The following PCDHGA9 variants were observed in gnomAD, a reference collection of about 807,000 sequenced individuals.
The protein encoded by PCDHGA9 is protocadherin gamma-A9.
Under a neutral mutation model 62.5 loss-of-function variants are expected in PCDHGA9, and 37 were observed. The ratio of observed to expected loss-of-function variants is 0.59; its 90% CI spans 0.46 to 0.78. PCDHGA9 has a LOEUF of 0.78. Ranked by LOEUF, PCDHGA9 falls within the 30% of genes least tolerant of loss-of-function variation. The pLI is 0.00. For missense variants in PCDHGA9, 1,138 were observed against 1,166.2 expected, an observed-to-expected ratio of 0.98 and a Z score of 0.35; for synonymous variants, 459 against 484.6, an observed-to-expected ratio of 0.95 and a Z score of 0.69.
chr5:141,451,299 A>T (rs1016384424), intron 1 of PCDHGA9, among the ~76,000 whole-genome samples: 17 of 152,228 alleles, frequency 1.1e-4, no homozygotes, highest in African/African-American at 3.4e-4. Flanking sequence ...AAAGTCTTAC[A>T]AGGCAGCAAT....
chr5:141,425,763 G>A (rs959881638), intron 1 of PCDHGA9, among the ~76,000 whole-genome samples: 3 of 152,164 alleles, frequency 2.0e-5, no homozygotes, highest in Non-Finnish European at 4.4e-5. Context: ...TCTACAACAG[G>A]AGAGAAGACT....
intron 1 of PCDHGA9, among the ~76,000 whole-genome samples, chr5:141,445,318 G>T (rs182520609): frequency 2.0e-4 from 30 of 152,306 alleles, no homozygotes; most frequent in African/African-American, 7.2e-4. Context: ...TAGGTTGAGA[G>T]AACCCATCCA....
chr5:141,503,164 C>G (rs1262310388), intron 2 of PCDHGA9, among the ~76,000 whole-genome samples: 2 of 152,068 alleles, frequency 1.3e-5, no homozygotes, highest in East Asian at 3.9e-4. Flanking sequence ...ATCACAATTG[C>G]AATTACTCTA....
chr5:141,423,832 T>G, intron 1 of PCDHGA9: 113 of 1,253,376 alleles, frequency 9.0e-5, no homozygotes, highest in East Asian at 2.6e-4. Context: ...TTTCATGAGA[T>G]TACGATAATC....
intron 2 of PCDHGA9, among the ~76,000 whole-genome samples, chr5:141,498,039 A>G (rs2099781185): frequency 6.6e-6 from 1 of 152,264 alleles, no homozygotes; most frequent in Non-Finnish European, 1.5e-5. Flanking sequence ...CCAAATAATT[A>G]CAAAAATAAA....
chr5:141,414,473 G>C lies in PCDHGA9; in HGVS notation c.2424+9097G>C, dbSNP rs371832510. 50 of 1,613,790 alleles carry C rather than the reference G, an allele frequency of 3.1e-5. No individual in the cohort carries two copies. The highest frequency in any genetic ancestry group is 4.1e-5 in the Non-Finnish European group (48 of 1,179,892). Reference sequence around the variant, plus strand: ...ACAGTGACAGCCACAGATGGGGGAAGTCCTCCTCTATCAACGGAAGCTCAC... The same window carrying C: ...ACAGTGACAGCCACAGATGGGGGAACTCCTCCTCTATCAACGGAAGCTCAC... On this transcript the variant is annotated intron_variant, in intron 1 of 3. Transcript: ENST00000573521.
At position 141,505,495 on chromosome 5, in the gene PCDHGA9, G is replaced by A. The variant is rs767547572; in HGVS notation, c.2572+14G>A. On this transcript the variant is annotated intron_variant, in intron 3 of 3. Transcript: ENST00000573521. ...CGTCCGCCAGTGGTAAGTGGTGTCA[G>A]TGTGTGTATGGAAGAGTGGGAGACC... The A allele has an allele frequency of 7.9e-5, 128 of 1,614,092 alleles. No homozygotes were observed. Among genetic ancestry groups the A allele is most frequent in the Non-Finnish European group, 1.0e-4 (123 of 1,180,008 alleles).
At chr5:141,429,468 A>G (rs2097217267) in intron 1 of PCDHGA9, among the ~76,000 whole-genome samples, 1 of 152,048 alleles carries the variant, frequency 6.6e-6, no homozygotes, top group Admixed American at 6.6e-5. Flanking sequence ...TCCCACCTCA[A>G]TCTCCAGAGT....
intron 1 of PCDHGA9, among the ~76,000 whole-genome samples, chr5:141,433,789 A>G (rs1388423731): frequency 6.7e-6 from 1 of 148,972 alleles, no homozygotes; most frequent in Non-Finnish European, 1.5e-5. Flanking sequence ...ATGAGCTGAG[A>G]TTGTGCCATT....
chr5:141,410,569 T>C (rs908906606), intron 1 of PCDHGA9: 1 of 1,612,242 alleles, frequency 6.2e-7, no homozygotes, highest in African/African-American at 1.3e-5. Context: ...GAGCCTTAAT[T>C]CCACCTCATG....
intron 1 of PCDHGA9, chr5:141,441,752 C>A (rs1043293959): frequency 5.3e-6 from 2 of 377,970 alleles, no homozygotes; most frequent in Non-Finnish European, 5.3e-6. Flanking sequence ...TCGGCGTCAA[C>A]GTGAGCCTGC....
chr5:141,411,299 G>C (rs1020908131), intron 1 of PCDHGA9: 1 of 152,284 alleles, frequency 6.6e-6, no homozygotes, highest in Non-Finnish European at 1.5e-5. Context: ...GACAGGCCCA[G>C]TGGCTCACAC....
At chr5:141,470,734 G>C (rs970003510) in intron 1 of PCDHGA9, among the ~76,000 whole-genome samples, 1 of 152,128 alleles carries the variant, frequency 6.6e-6, no homozygotes, top group South Asian at 2.1e-4. Context: ...GTCTTGCTCT[G>C]TCGCCCTGGC....
Position 141,496,029 on chromosome 5 carries a change from C to T in PCDHGA9, c.2483+1164C>T, listed in dbSNP as rs548231443. ...TTGTCTTTTTTCTCTGAGCCTCTGTCTCTGTCTCTCATTTTTTTGTGCTTG... is the reference window on the plus strand; with the variant it reads ...TTGTCTTTTTTCTCTGAGCCTCTGTTTCTGTCTCTCATTTTTTTGTGCTTG... On this transcript the variant is annotated intron_variant, in intron 2 of 3. Coordinates refer to ENST00000573521, the MANE Select transcript of PCDHGA9 (RefSeq NM_018921.3). Among the ~76,000 whole-genome samples, 3 of 152,088 alleles carry T rather than the reference C, an allele frequency of 2.0e-5. No individual in the cohort carries two copies. In the East Asian group the frequency reaches 5.8e-4, roughly 29 times the overall value.
intron 1 of PCDHGA9, chr5:141,418,237 T>G (rs1470328670): frequency 6.2e-7 from 1 of 1,614,044 alleles, no homozygotes. Context: ...TTGAGGATGT[T>G]AATGACCACG....
intron 1 of PCDHGA9, among the ~76,000 whole-genome samples, chr5:141,492,808 A>C (rs1261752522): frequency 6.6e-6 from 1 of 152,252 alleles, no homozygotes; most frequent in African/African-American, 2.4e-5. Flanking sequence ...CTGGGACTCC[A>C]GTGGCACCAG....
rs1562129544 is a variant in PCDHGA9 at position 141,489,362 on chromosome 5, C to G, written c.2425-5445C>G. ...TACTCAGTGGTGGAGGAGTCTGAGC[C>G]GGGGACGCTGGTGGGGAATGTTGCT... On this transcript the variant is annotated intron_variant, in intron 1 of 3. Transcript: ENST00000573521. This position sits in a 1 kb window ranked among gnomAD's most constrained non-coding sequence, Gnocchi z 4.5. 6.2e-7 allele frequency: 1 copy of G among 1,613,052 alleles called. No individual in the cohort carries two copies. Among genetic ancestry groups the G allele is most frequent in the Non-Finnish European group, 8.5e-7 (1 of 1,179,268 alleles).
At chr5:141,415,023 C>A (rs1213037511) in intron 1 of PCDHGA9, 1 of 1,613,530 alleles carries the variant, frequency 6.2e-7, no homozygotes, top group East Asian at 2.2e-5. Flanking sequence ...TCAAGGCCAG[C>A]GAGCCGGGAC....
intron 1 of PCDHGA9, among the ~76,000 whole-genome samples, chr5:141,461,756 C>T (rs887460069): frequency 6.6e-6 from 1 of 151,832 alleles, no homozygotes; most frequent in Non-Finnish European, 1.5e-5. Flanking sequence ...CAGATTCAAG[C>T]GATTCTCCTG....
Sources: gnomAD v4.1 joint callset for allele counts (sites outside exome capture counted in the v4.1 genomes callset) on GRCh38, gnomAD v4.1.1 for gene constraint, Gnocchi (gnomAD v3.1) non-coding constraint, MANE v1.5 for transcripts, NCBI Gene and HGNC (gene_info 2026-07-23, HGNC 2026-07-21) for gene names.